Variants in ZFP64 observed in about 807,000 individuals in gnomAD.
ZFP64 encodes the protein ZFP64 zinc finger protein.
In ZFP64, 14 loss-of-function variants were observed where a neutral mutation model predicts 51.6. The observed-to-expected ratio is 0.27, with a 90% CI of 0.18 to 0.42. The LOEUF is 0.42. ZFP64 is among the 10% of genes least tolerant of loss of function. ZFP64 has a pLI of 1.00. For synonymous variants in ZFP64, 375 were observed against 361.4 expected, an observed-to-expected ratio of 1.04 and a Z score of -0.43; for missense variants, 754 against 906.8, an observed-to-expected ratio of 0.83 and a Z score of 2.16.
chr20:52,114,599 A>G (rs1438446854), intron 5 of ZFP64, among the ~76,000 whole-genome samples: 1 of 152,234 alleles, frequency 6.6e-6, no homozygotes, highest in Non-Finnish European at 1.5e-5. Flanking sequence ...AAACACTCAG[A>G]ACATCTACTG....
intron 2 of ZFP64, among the ~76,000 whole-genome samples, chr20:52,179,374 G>A (rs1983458707): frequency 1.3e-5 from 2 of 152,190 alleles, no homozygotes; most frequent in Admixed American, 1.3e-4. Context: ...CCCTCATGAT[G>A]GGGCACATGC....
intron 5 of ZFP64, among the ~76,000 whole-genome samples, chr20:52,125,764 A>T (rs1979417441): frequency 6.6e-6 from 1 of 152,218 alleles, no homozygotes; most frequent in Non-Finnish European, 1.5e-5. Flanking sequence ...GATAACTATC[A>T]GCCACTGATG....
intron 5 of ZFP64, among the ~76,000 whole-genome samples, chr20:52,123,214 G>T (rs144273299): frequency 3.9e-5 from 6 of 152,024 alleles, no homozygotes; most frequent in Non-Finnish European, 5.9e-5. Context: ...GAACATGTTC[G>T]CCATGTTACC....
At chr20:52,173,033 C>T (rs1298247623) in intron 2 of ZFP64, among the ~76,000 whole-genome samples, 1 of 152,096 alleles carries the variant, frequency 6.6e-6, no homozygotes, top group Non-Finnish European at 1.5e-5. Context: ...TAATCCACAT[C>T]TATTTCTCTG....
intron 5 of ZFP64, among the ~76,000 whole-genome samples, chr20:52,125,586 C>A (rs1979409109): frequency 6.6e-6 from 1 of 152,220 alleles, no homozygotes; most frequent in South Asian, 2.1e-4. Flanking sequence ...GTGGCAGCAG[C>A]TGGCTGGCCA....
chr20:52,142,141 C>A (rs6021732), intron 5 of ZFP64, among the ~76,000 whole-genome samples: 3 of 151,772 alleles, frequency 2.0e-5, no homozygotes, highest in East Asian at 3.9e-4. Context: ...CCAAGGTTTG[C>A]GGATGACCTG....
chr20:52,187,989 A>C (rs1984095201), intron 1 of ZFP64, among the ~76,000 whole-genome samples: 1 of 152,176 alleles, frequency 6.6e-6, no homozygotes, highest in African/African-American at 2.4e-5. Flanking sequence ...ATACTTGTGA[A>C]CTTCTCCAGC....
chr20:52,136,777 G>GT (rs962769202), intron 5 of ZFP64, among the ~76,000 whole-genome samples: 1 of 151,940 alleles, frequency 6.6e-6, no homozygotes. Context: ...TAATTATCTT[G>GT]TTTTTTTGAG....
chr20:52,161,854 G>A (rs1419195354), intron 4 of ZFP64, among the ~76,000 whole-genome samples: 1 of 152,186 alleles, frequency 6.6e-6, no homozygotes, highest in African/African-American at 2.4e-5. Flanking sequence ...GGAGGTGGCT[G>A]TGAATCAGGA....
chr20:52,097,615 T>C (rs984645058), intron 6 of ZFP64, among the ~76,000 whole-genome samples: 1 of 152,038 alleles, frequency 6.6e-6, no homozygotes, highest in African/African-American at 2.4e-5. Flanking sequence ...CCACCACGCC[T>C]GGCTAATTTT....
At chr20:52,105,112 G>A in intron 5 of ZFP64, 1 of 1,402,052 alleles carries the variant, frequency 7.1e-7, no homozygotes, top group Non-Finnish European at 9.2e-7. Flanking sequence ...CCCGGGCGGG[G>A]CTCCAGCGGC....
At position 52,120,486 on chromosome 20, in the gene ZFP64, A is replaced by G. The variant is rs576412330; in HGVS notation, c.764-21899T>C. On this transcript the variant is annotated intron_variant, in intron 5 of 8. Coordinates refer to the ZFP64 transcript ENST00000361387. Reference sequence around the variant, plus strand: ...CGCCACTTTATCGCACGTCACAGACACTGTGTGTTTTTTTCTTTTTTTACA... The same window carrying G: ...CGCCACTTTATCGCACGTCACAGACGCTGTGTGTTTTTTTCTTTTTTTACA... Among the ~76,000 whole-genome samples the G allele has an allele frequency of 5.9e-5, 9 of 152,132 alleles. No homozygotes were observed. The East Asian group carries it at 1.4e-3, about 23-fold the overall frequency.
intron 2 of ZFP64, among the ~76,000 whole-genome samples, chr20:52,175,270 G>A (rs566323880): frequency 6.6e-6 from 1 of 152,224 alleles, no homozygotes; most frequent in South Asian, 2.1e-4. Context: ...TAACAGGTAT[G>A]CGCCACCACG....
At chr20:52,163,718 C>A (rs6021766) in intron 4 of ZFP64, among the ~76,000 whole-genome samples, 39,894 of 152,058 alleles carry the variant, frequency 0.26, 5,416 homozygotes, top group Admixed American at 0.31. Flanking sequence ...GCCAAAACTC[C>A]CTGCATCTTA....
intron 5 of ZFP64, among the ~76,000 whole-genome samples, chr20:52,110,189 T>C (rs911290685): frequency 1.3e-5 from 2 of 152,162 alleles, no homozygotes; most frequent in Non-Finnish European, 2.9e-5. Flanking sequence ...CATGGCTACA[T>C]CGGCATCAAC....
intron 5 of ZFP64, among the ~76,000 whole-genome samples, chr20:52,133,953 C>T (rs527587161): frequency 3.6e-4 from 53 of 147,914 alleles, no homozygotes; most frequent in Non-Finnish European, 7.4e-4. Flanking sequence ...CACCTGAGCC[C>T]GGGAGGTGGA....
At chr20:52,092,889 G>A (rs113769358) in intron 7 of ZFP64, among the ~76,000 whole-genome samples, 2 of 151,938 alleles carry the variant, frequency 1.3e-5, no homozygotes, top group South Asian at 2.1e-4. Flanking sequence ...AAAACAGATC[G>A]ATAACAATGA....
In ZFP64 at chr20:52,101,940, C is replaced by CAAAA. The variant is rs1190342919; in HGVS notation, c.764-3357_764-3354dup. On this transcript the variant is annotated intron_variant, in intron 5 of 8. Coordinates refer to the ZFP64 transcript ENST00000361387. Reference sequence around the variant, plus strand: ...TGAAACCTGTCTCTACTAAAAATACCAAAAAAAAAAAAAAAAAAAAAATTA... The same window carrying CAAAA: ...TGAAACCTGTCTCTACTAAAAATACCAAAAAAAAAAAAAAAAAAAAAAAAAATTA... Among the ~76,000 whole-genome samples the CAAAA allele has an allele frequency of 2.5e-3, 192 of 77,650 alleles. 2 individuals are homozygous for CAAAA. The highest frequency in any genetic ancestry group is 9.1e-3 in the Middle Eastern group (1 of 110). The allele number at this position is 77,650 out of a possible 152,430, so 50.9% of individuals were successfully genotyped here.
intron 5 of ZFP64, among the ~76,000 whole-genome samples, chr20:52,144,877 A>T (rs1762262024): frequency 2.0e-5 from 3 of 152,122 alleles, no homozygotes; most frequent in African/African-American, 7.2e-5. Context: ...AGAGTAAATG[A>T]TGTTTTTTCT....
Sources: allele counts gnomAD v4.1 joint callset (sites outside exome capture counted in the v4.1 genomes callset), GRCh38; gene constraint gnomAD v4.1.1; transcripts MANE v1.5; gene names NCBI Gene and HGNC (gene_info 2026-07-23, HGNC 2026-07-21).